SNTG1: variants seen among roughly 807,000 people sequenced by gnomAD.
SNTG1 encodes syntrophin gamma 1, also known as gamma-1-syntrophin.
Under a neutral mutation model 74.7 loss-of-function variants are expected in SNTG1, and 39 were observed. That is an observed-to-expected ratio of 0.52 (90% confidence interval 0.40 to 0.68). The LOEUF is 0.68. Ranked by LOEUF, SNTG1 falls within the 30% of genes least tolerant of loss-of-function variation. SNTG1 has a pLI of 0.00. For missense variants in SNTG1, 685 were observed against 609.5 expected (o/e 1.12, Z -1.30); for synonymous variants, 254 against 217.1 (o/e 1.17, Z -1.49).
intron 9 of SNTG1, among the ~76,000 whole-genome samples, chr8:50,507,923 T>C (rs1378768021): frequency 6.7e-6 from 1 of 150,358 alleles, no homozygotes; most frequent in Admixed American, 6.7e-5. Context: ...CTTCATTTCT[T>C]TTTTTTTATT....
chr8:50,602,340 A>G (rs2094781180), intron 13 of SNTG1, among the ~76,000 whole-genome samples: 1 of 152,096 alleles, frequency 6.6e-6, no homozygotes, highest in Non-Finnish European at 1.5e-5. Context: ...TAAAACTCGT[A>G]ATTTTAAACT....
chr8:50,769,943 T>C (rs536736958), intron 18 of SNTG1, among the ~76,000 whole-genome samples: 6 of 152,242 alleles, frequency 3.9e-5, no homozygotes, highest in African/African-American at 1.4e-4. Flanking sequence ...AAGTTTCTAT[T>C]TTTATTTGCC....
chr8:50,160,775 A>G (rs1003035924), intron 1 of SNTG1, among the ~76,000 whole-genome samples: 6 of 152,206 alleles, frequency 3.9e-5, no homozygotes, highest in Non-Finnish European at 8.8e-5. Context: ...TGATACTCAT[A>G]GGGATCTTGC....
intron 5 of SNTG1, among the ~76,000 whole-genome samples, chr8:50,448,918 C>T (rs992618874): frequency 1.3e-5 from 2 of 152,010 alleles, no homozygotes; most frequent in African/African-American, 4.8e-5. Flanking sequence ...GTCCCAGCTA[C>T]TCGGGAGGCT....
At chr8:50,779,615 G>C (rs974510529) in intron 18 of SNTG1, among the ~76,000 whole-genome samples, 3 of 151,188 alleles carry the variant, frequency 2.0e-5, no homozygotes, top group Non-Finnish European at 1.5e-5. Flanking sequence ...TGAGACAATG[G>C]GGTTTTCTAG....
intron 1 of SNTG1, among the ~76,000 whole-genome samples, chr8:50,045,324 A>G (rs1818987916): frequency 3.9e-5 from 6 of 152,212 alleles, no homozygotes; most frequent in Admixed American, 3.9e-4. Context: ...ACTTACAATC[A>G]TGGCAGAAAG....
intron 1 of SNTG1, among the ~76,000 whole-genome samples, chr8:49,972,746 CA>C (rs1563415137): frequency 6.6e-6 from 1 of 152,014 alleles, no homozygotes; most frequent in African/African-American, 2.4e-5. Context: ...TCTATGCAGC[CA>C]AAATACAGTG....
intron 18 of SNTG1, among the ~76,000 whole-genome samples, chr8:50,771,920 T>G (rs1328178609): frequency 6.6e-6 from 1 of 152,040 alleles, no homozygotes; most frequent in African/African-American, 2.4e-5. Flanking sequence ...TCTGCAGGCC[T>G]GCAAAATGTG....
At chr8:50,714,094 C>T (rs576670329) in intron 17 of SNTG1, among the ~76,000 whole-genome samples, 58 of 150,740 alleles carry the variant, frequency 3.8e-4, no homozygotes, top group African/African-American at 1.4e-3. Context: ...GGGAGGGAAT[C>T]CTTTTCTTAT....
At chr8:50,625,497 A>G (rs527819247) in intron 13 of SNTG1, among the ~76,000 whole-genome samples, 1 of 152,312 alleles carries the variant, frequency 6.6e-6, no homozygotes, top group South Asian at 2.1e-4. Context: ...CACCATAAAT[A>G]TATACAATTT....
intron 2 of SNTG1, among the ~76,000 whole-genome samples, chr8:50,341,210 A>G (rs2091307334): frequency 6.6e-6 from 1 of 151,902 alleles, no homozygotes; most frequent in Admixed American, 6.6e-5. Flanking sequence ...TCCTATAGAA[A>G]TATTTAACCC....
intron 9 of SNTG1, among the ~76,000 whole-genome samples, chr8:50,508,187 C>T (rs1057020996): frequency 1.3e-5 from 2 of 151,978 alleles, no homozygotes; most frequent in Admixed American, 6.6e-5. Flanking sequence ...TTTGTCCTTG[C>T]GATAATTTGC....
At chr8:50,172,221 G>T (rs555572489) in intron 1 of SNTG1, among the ~76,000 whole-genome samples, 1 of 152,160 alleles carries the variant, frequency 6.6e-6, no homozygotes, top group Non-Finnish European at 1.5e-5. Flanking sequence ...TAAACTTGGA[G>T]TCTGATTCTA....
intron 1 of SNTG1, among the ~76,000 whole-genome samples, chr8:50,018,457 C>A (rs983461536): frequency 1.3e-5 from 2 of 151,928 alleles, no homozygotes; most frequent in African/African-American, 4.8e-5. Context: ...TGAGTTTTGA[C>A]CTCTACCTCA....
At chr8:50,435,573 C>A (rs779139694) in intron 4 of SNTG1, among the ~76,000 whole-genome samples, 1 of 152,108 alleles carries the variant, frequency 6.6e-6, no homozygotes, top group Non-Finnish European at 1.5e-5. Context: ...TTAGCAGAGG[C>A]CACACCAAGA....
chr8:50,051,542 A>T lies in SNTG1; in HGVS notation c.-102-121019A>T, dbSNP rs185273420. 9.2e-4 allele frequency among the ~76,000 whole-genome samples: 140 copies of T among 152,240 alleles called. 3 individuals are homozygous for T. Among genetic ancestry groups the T allele is most frequent in the Non-Finnish European group, 5.3e-4 (36 of 68,002 alleles). On this transcript the variant is annotated intron_variant, in intron 1 of 18. Coordinates refer to ENST00000642720, the MANE Select transcript of SNTG1 (RefSeq NM_018967.5). Reference sequence around the variant, plus strand: ...AAATAACCAAAATTTATTGTCTCACAGTTGTGTAAGTTTGAAGTCTGAAAT... The same window carrying T: ...AAATAACCAAAATTTATTGTCTCACTGTTGTGTAAGTTTGAAGTCTGAAAT...
At chr8:49,973,064 C>T (rs1435702604) in intron 1 of SNTG1, among the ~76,000 whole-genome samples, 2 of 152,082 alleles carry the variant, frequency 1.3e-5, no homozygotes, top group East Asian at 1.9e-4. Flanking sequence ...CACAAGCACA[C>T]GTATGTTTAT....
At chr8:50,106,337 C>T (rs2080370272) in intron 1 of SNTG1, among the ~76,000 whole-genome samples, 1 of 152,074 alleles carries the variant, frequency 6.6e-6, no homozygotes, top group Non-Finnish European at 1.5e-5. Context: ...GGGGGGAATC[C>T]ACCTCCATGA....
chr8:50,303,870 T>G (rs2089760969), intron 2 of SNTG1, among the ~76,000 whole-genome samples: 1 of 152,172 alleles, frequency 6.6e-6, no homozygotes, highest in Non-Finnish European at 1.5e-5. Flanking sequence ...TTTTATTTTA[T>G]TTTTTAACTT....
Sources: allele counts gnomAD v4.1 joint callset (sites outside exome capture counted in the v4.1 genomes callset), GRCh38; gene constraint gnomAD v4.1.1; transcripts MANE v1.5; gene names NCBI Gene and HGNC (gene_info 2026-07-23, HGNC 2026-07-21).